CLMN: variants seen among roughly 807,000 people sequenced by gnomAD.
The protein encoded by CLMN is calmin (calponin-like, transmembrane).
CLMN carries 57 observed loss-of-function variants against 92.7 expected under a neutral mutation model. That is an observed-to-expected ratio of 0.61 (90% CI 0.50 to 0.77). CLMN has a LOEUF of 0.77. Among genes scored for constraint, CLMN ranks in the 30% least tolerant of loss-of-function variants. The pLI is 0.00. For synonymous variants in CLMN, 466 were observed against 470.6 expected, an observed-to-expected ratio of 0.99 and a Z score of 0.13; for missense variants, 1,158 against 1,237.5, an observed-to-expected ratio of 0.94 and a Z score of 0.96.
At chr14:95,231,193 CTTTTTTTT>C (rs59211402) in intron 1 of CLMN, among the ~76,000 whole-genome samples, 1 of 137,346 alleles carries the variant, frequency 7.3e-6, no homozygotes, top group Non-Finnish European at 1.6e-5. Context: ...AATCCTCTAA[CTTTTTTTT>C]TTTTTTTTTT....
chr14:95,232,062 TA>T (rs1897906585), intron 1 of CLMN, among the ~76,000 whole-genome samples: 1 of 152,258 alleles, frequency 6.6e-6, no homozygotes, highest in African/African-American at 2.4e-5. Context: ...AAATAGTTAA[TA>T]AAACAGCCCA....
At chr14:95,244,426 T>G (rs753948318) in intron 1 of CLMN, among the ~76,000 whole-genome samples, 7 of 152,210 alleles carry the variant, frequency 4.6e-5, no homozygotes, top group Non-Finnish European at 1.0e-4. Context: ...TTGAGTTTTC[T>G]CCTTATCCAC....
At chr14:95,210,288 G>A (rs1897160512) in intron 7 of CLMN, among the ~76,000 whole-genome samples, 1 of 151,762 alleles carries the variant, frequency 6.6e-6, no homozygotes, top group South Asian at 2.1e-4. Flanking sequence ...CTGACCTCAG[G>A]TGATCCACCT....
intron 1 of CLMN, chr14:95,307,420 C>G (rs1274430062): frequency 6.6e-6 from 1 of 152,284 alleles, no homozygotes; most frequent in Non-Finnish European, 1.5e-5. Flanking sequence ...GTAGCAGTGC[C>G]TACCCTACAC....
chr14:95,226,367 A>G (rs1437741145), intron 2 of CLMN, among the ~76,000 whole-genome samples: 1 of 152,130 alleles, frequency 6.6e-6, no homozygotes, highest in African/African-American at 2.4e-5. Context: ...TTTAGTACAG[A>G]TGCAGTTTTT....
At position 95,311,603 on chromosome 14, in the gene CLMN, C is replaced by A. The variant is rs146213468; in HGVS notation, c.82+8108G>T. Among the ~76,000 whole-genome samples, 110 of 152,290 alleles carry A rather than the reference C, an allele frequency of 7.2e-4. 1 individual carries two copies. Among genetic ancestry groups the A allele is most frequent in the African/African-American group, 2.5e-3 (104 of 41,556 alleles). ...ACAATCTCCAAGAAGCACTAGAACACAAGGGAACCAAATAAAAAGAGGGAC... is the reference window on the plus strand; with the variant it reads ...ACAATCTCCAAGAAGCACTAGAACAAAAGGGAACCAAATAAAAAGAGGGAC... On this transcript the variant is annotated intron_variant, in intron 1 of 12. Transcript: ENST00000298912.
At chr14:95,283,665 G>A (rs1485251281) in intron 1 of CLMN, among the ~76,000 whole-genome samples, 2 of 152,188 alleles carry the variant, frequency 1.3e-5, no homozygotes, top group Non-Finnish European at 2.9e-5. Context: ...GATACTGGGG[G>A]CATTTTTCCC....
intron 6 of CLMN, among the ~76,000 whole-genome samples, chr14:95,212,597 A>G (rs1431321493): frequency 6.6e-6 from 1 of 152,130 alleles, no homozygotes; most frequent in African/African-American, 2.4e-5. Context: ...TCTGGAAGAT[A>G]CCCTGAAGCT....
intron 1 of CLMN, among the ~76,000 whole-genome samples, chr14:95,241,445 A>G (rs939948255): frequency 1.3e-5 from 2 of 152,222 alleles, no homozygotes; most frequent in African/African-American, 4.8e-5. Context: ...AGAGAAAGGC[A>G]AGGCGGTTAA....
At chr14:95,279,135 A>G (rs985461619) in intron 1 of CLMN, among the ~76,000 whole-genome samples, 1 of 152,260 alleles carries the variant, frequency 6.6e-6, no homozygotes, top group Non-Finnish European at 1.5e-5. Context: ...TTAAGTGCTT[A>G]AATCAAATAT....
At chr14:95,263,853 A>T (rs1312195989) in intron 1 of CLMN, among the ~76,000 whole-genome samples, 1 of 152,204 alleles carries the variant, frequency 6.6e-6, no homozygotes, top group East Asian at 1.9e-4. Flanking sequence ...TGAAGAACTC[A>T]CACAAGTGAC....
chr14:95,237,745 C>T (rs1195550474), intron 1 of CLMN, among the ~76,000 whole-genome samples: 2 of 152,276 alleles, frequency 1.3e-5, no homozygotes, highest in East Asian at 1.9e-4. Context: ...TCTGATGCTC[C>T]CTGGTCTAGA....
At chr14:95,234,906 C>T (rs1595604170) in intron 1 of CLMN, among the ~76,000 whole-genome samples, 1 of 152,280 alleles carries the variant, frequency 6.6e-6, no homozygotes, top group Non-Finnish European at 1.5e-5. Context: ...GGCTTTTTGT[C>T]TCTATGTCCA....
At chr14:95,200,986 G>C (rs890525766) in intron 9 of CLMN, among the ~76,000 whole-genome samples, 2 of 135,724 alleles carry the variant, frequency 1.5e-5, no homozygotes, top group African/African-American at 5.5e-5. Context: ...AGTTATGAGA[G>C]AACATCACAT....
chr14:95,310,371 C>CCT (rs1304630737), intron 1 of CLMN, among the ~76,000 whole-genome samples: 1 of 152,184 alleles, frequency 6.6e-6, no homozygotes, highest in Non-Finnish European at 1.5e-5. Flanking sequence ...CTCCTGTCTC[C>CCT]CTCTCTCTCT....
chr14:95,266,665 A>C (rs987426883), intron 1 of CLMN, among the ~76,000 whole-genome samples: 7 of 152,184 alleles, frequency 4.6e-5, no homozygotes, highest in Non-Finnish European at 1.0e-4. Flanking sequence ...AATACCAATG[A>C]CTTTCTTCAT....
Position 95,213,208 on chromosome 14 carries a change from C to T in CLMN, c.608+11G>A. Reference sequence around the variant, plus strand: ...AAATGAAGTAGTGTGGGGAGAGGGGCTGCGGCTTACTTTCTCGTTTTCCTC... The same window carrying T: ...AAATGAAGTAGTGTGGGGAGAGGGGTTGCGGCTTACTTTCTCGTTTTCCTC... On this transcript the variant is annotated intron_variant, in intron 6 of 12. Coordinates refer to ENST00000298912, the MANE Select transcript of CLMN (RefSeq NM_024734.4). 1 of 1,612,612 alleles carries T rather than the reference C, an allele frequency of 6.2e-7. No homozygotes were observed. The highest frequency in any genetic ancestry group is 8.5e-7 in the Non-Finnish European group (1 of 1,179,446).
At chr14:95,289,918 C>T (rs1207421042) in intron 1 of CLMN, among the ~76,000 whole-genome samples, 1 of 152,188 alleles carries the variant, frequency 6.6e-6, no homozygotes, top group South Asian at 2.1e-4. Flanking sequence ...AGGGGGTTGG[C>T]CTCCTTGTGT....
chr14:95,229,800 G>A lies in CLMN; in HGVS notation c.144+272C>T, dbSNP rs569700895. ...GGTGTTGGTGTGTTCAATAATGAACGTCTTCCACCATCTGCTCAGATTCCT... is the reference window on the plus strand; with the variant it reads ...GGTGTTGGTGTGTTCAATAATGAACATCTTCCACCATCTGCTCAGATTCCT... On this transcript the variant is annotated intron_variant, in intron 2 of 12. Transcript: ENST00000298912. Among the ~76,000 whole-genome samples the A allele has an allele frequency of 8.1e-4, 123 of 152,118 alleles. 1 individual carries two copies. In the South Asian group the frequency reaches 0.015, roughly 18 times the overall value.
Sources: gnomAD v4.1 joint callset for allele counts (sites outside exome capture counted in the v4.1 genomes callset) on GRCh38, gnomAD v4.1.1 for gene constraint, MANE v1.5 for transcripts, NCBI Gene and HGNC (gene_info 2026-07-23, HGNC 2026-07-21) for gene names.